BTBD1: variants seen among roughly 807,000 people sequenced by gnomAD.
BTBD1 encodes BTB/POZ domain-containing protein 1.
A neutral mutation model predicts 48.0 loss-of-function variants in BTBD1; 34 were observed. The ratio of observed to expected loss-of-function variants is 0.71; its 90% CI spans 0.54 to 0.94. The LOEUF is 0.94. Ranked by LOEUF, BTBD1 falls within the 40% of genes least tolerant of loss-of-function variation. The pLI is 0.00. For missense variants in BTBD1, 543 were observed against 625.6 expected (o/e 0.87, Z 1.41); for synonymous variants, 261 against 242.1 (o/e 1.08, Z -0.72).
chr15:83,059,227 T>C (rs2033139312), intron 1 of BTBD1, among the ~76,000 whole-genome samples: 1 of 152,178 alleles, frequency 6.6e-6, no homozygotes, highest in Non-Finnish European at 1.5e-5. Flanking sequence ...CAGGTTTCTC[T>C]TTTTGCACTA....
Position 83,017,351 on chromosome 15 carries a change from G to T in BTBD1, c.*716C>A, listed in dbSNP as rs746251543. ...GAGACAGGTATAGTGGTGCAGTTTA[G>T]TGACAGGGAATCCAGTCTTAGATCC... is the stretch of plus-strand genomic sequence containing the variant. On this transcript the variant is annotated 3_prime_UTR_variant, in exon 8 of 8. Coordinates refer to ENST00000261721, the MANE Select transcript of BTBD1 (RefSeq NM_025238.4). 3.9e-5 allele frequency: 6 copies of T among 152,656 alleles called. No homozygotes were observed. Among genetic ancestry groups the T allele is most frequent in the Non-Finnish European group, 8.8e-5 (6 of 68,046 alleles). 9.5% of individuals were successfully genotyped at this position (152,656 alleles called of 1,614,324 possible).
chr15:83,038,433 G>A (rs12441575), intron 4 of BTBD1, among the ~76,000 whole-genome samples: 29,088 of 152,076 alleles, frequency 0.19, 2,999 homozygotes, highest in Non-Finnish European at 0.22. Context: ...TTATATGCTC[G>A]TGGATTGGAA....
intron 5 of BTBD1, 173 bp from the exon 6 acceptor site, chr15:83,020,935 G>T: frequency 2.0e-6 from 1 of 502,850 alleles, no homozygotes. Context: ...GCTTTCTAGA[G>T]CAGATTTGAA....
chr15:83,063,778 T>C (rs139642532), intron 1 of BTBD1, among the ~76,000 whole-genome samples: 1 of 152,368 alleles, frequency 6.6e-6, no homozygotes, highest in African/African-American at 2.4e-5. Flanking sequence ...TAAGGCACAC[T>C]GGTTCACTCT....
In BTBD1 at chr15:83,030,298, C is replaced by T. The variant is rs577288866; in HGVS notation, c.893G>A (p.Arg298His). The T allele has an allele frequency of 2.3e-5, 37 of 1,613,818 alleles. No homozygotes were observed. Among genetic ancestry groups the T allele is most frequent in the African/African-American group, 4.0e-5 (3 of 74,934 alleles). ...GPAQSGILSDREVVNLFLHFT... is the reference protein window; with the variant it reads ...GPAQSGILSDHEVVNLFLHFT... ...ATGAAGAAAGAGGTTTACCACTTCA[C>T]GATCTGACAAAATTCCAGATTGAGC... is the stretch of plus-strand genomic sequence containing the variant. Residue 298 changes from arginine (R) to histidine (H), a missense_variant, in exon 5 of 8, where the codon CGT (arginine) becomes CAT (histidine). This residue lies in a region of BTBD1 where 300 missense variants were observed against 350.0 expected (regional missense o/e 0.86). Transcript: ENST00000261721.
intron 4 of BTBD1, among the ~76,000 whole-genome samples, chr15:83,031,325 T>G (rs2032511522): frequency 6.6e-6 from 1 of 152,222 alleles, no homozygotes; most frequent in African/African-American, 2.4e-5. Context: ...ATAAATGTCT[T>G]CTTTTGAGAA....
chr15:83,048,940 A>C (rs2032930130), intron 3 of BTBD1, among the ~76,000 whole-genome samples: 1 of 152,188 alleles, frequency 6.6e-6, no homozygotes, highest in African/African-American at 2.4e-5. Context: ...TCCAGGAATA[A>C]ACGTTTACAA....
intron 3 of BTBD1, among the ~76,000 whole-genome samples, chr15:83,049,513 G>A (rs184676287): frequency 3.3e-5 from 5 of 152,010 alleles, no homozygotes; most frequent in Non-Finnish European, 2.9e-5. Flanking sequence ...ACCATTTTCC[G>A]GATTTGCATA....
chr15:83,038,275 A>G (rs1439465702), intron 4 of BTBD1, among the ~76,000 whole-genome samples: 1 of 152,158 alleles, frequency 6.6e-6, no homozygotes, highest in Non-Finnish European at 1.5e-5. Flanking sequence ...ACCTAGAAAT[A>G]CATCTAACTA....
chr15:83,034,311 T>G (rs2032584999), intron 4 of BTBD1, among the ~76,000 whole-genome samples: 1 of 152,108 alleles, frequency 6.6e-6, no homozygotes, highest in Non-Finnish European at 1.5e-5. Flanking sequence ...TATACCAATA[T>G]CAGACAAAGA....
intron 3 of BTBD1, among the ~76,000 whole-genome samples, chr15:83,043,752 T>G (rs2032815338): frequency 6.6e-6 from 1 of 151,972 alleles, no homozygotes; most frequent in African/African-American, 2.4e-5. Flanking sequence ...GGGATGAGGG[T>G]GGCATCAACC....
intron 2 of BTBD1, among the ~76,000 whole-genome samples, chr15:83,056,092 T>C (rs2033076890): frequency 6.6e-6 from 1 of 151,948 alleles, no homozygotes; most frequent in South Asian, 2.1e-4. Context: ...ATATTTTTAG[T>C]AGAGACGGGG....
chr15:83,063,537 T>A (rs1222605069), intron 1 of BTBD1, among the ~76,000 whole-genome samples: 1 of 152,216 alleles, frequency 6.6e-6, no homozygotes, highest in Non-Finnish European at 1.5e-5. Context: ...TCTATCACCT[T>A]GCTGCCTATT....
Position 83,066,850 on chromosome 15 carries a change from C to T in BTBD1, c.302G>A (p.Ser101Asn). 1 of 1,450,834 alleles carries T rather than the reference C, an allele frequency of 6.9e-7. No individual in the cohort carries two copies. The highest frequency in any genetic ancestry group is 1.4e-5 in the South Asian group (1 of 70,268). 89.9% of individuals were successfully genotyped at this position (1,450,834 alleles called of 1,614,324 possible). ...GTTGAACATGGCGTCAAAGACGGCG[C>T]TGCCGGCCGCCAGCACGAAGCGGTG... is the stretch of plus-strand genomic sequence containing the variant. ...PAHRFVLAAGSAVFDAMFNGG... is the reference protein window; with the variant it reads ...PAHRFVLAAGNAVFDAMFNGG... The change falls in exon 1 of 8, where the codon AGC becomes AAC. Residue 101 changes from serine to asparagine, a missense_variant. Around this residue, in one of 3 missense-constraint regions of BTBD1, gnomAD observed 173 missense variants for 163.9 expected, o/e 1.06. Coordinates refer to ENST00000261721, the MANE Select transcript of BTBD1 (RefSeq NM_025238.4).
At chr15:83,047,041 A>G (rs546686426) in intron 3 of BTBD1, among the ~76,000 whole-genome samples, 7 of 152,348 alleles carry the variant, frequency 4.6e-5, no homozygotes, top group Non-Finnish European at 1.0e-4. Flanking sequence ...TAATCAACAA[A>G]TATCAGCTGA....
rs28669850 is a variant in BTBD1 at position 83,063,173 on chromosome 15, C to T, written c.401+3578G>A. Among the ~76,000 whole-genome samples, 1,302 of 152,276 alleles carry T rather than the reference C, an allele frequency of 8.6e-3. 18 individuals carry two copies. Among genetic ancestry groups the T allele is most frequent in the African/African-American group, 0.03 (1,253 of 41,560 alleles). ...TCCACTGACAGCTGCTTCTCAGTTT[C>T]ATTTTATGCTTTTTCTCTGCTACAT... On this transcript the variant is annotated intron_variant, in intron 1 of 7. Transcript: ENST00000261721.
At chr15:83,034,090 CAAA>C (rs748026027) in intron 4 of BTBD1, among the ~76,000 whole-genome samples, 13 of 67,150 alleles carry the variant, frequency 1.9e-4, no homozygotes, top group Non-Finnish European at 2.7e-4. Context: ...CTGTCTACAC[CAAA>C]AAAAAAAAAA....
At chr15:83,038,489 G>A (rs1384383256) in intron 4 of BTBD1, among the ~76,000 whole-genome samples, 1 of 152,098 alleles carries the variant, frequency 6.6e-6, no homozygotes, top group South Asian at 2.1e-4. Flanking sequence ...GCAATCTACA[G>A]ATTTAATGCT....
intron 3 of BTBD1, chr15:83,044,746 C>T (rs2151308128): frequency 6.9e-7 from 1 of 1,455,418 alleles, no homozygotes; most frequent in South Asian, 1.1e-5. Flanking sequence ...GTCGCCTGTA[C>T]TCGGATCTAT....
Sources: allele counts gnomAD v4.1 joint callset (sites outside exome capture counted in the v4.1 genomes callset), GRCh38; gene constraint gnomAD v4.1.1; regional missense constraint gnomAD v4.1.1; transcripts MANE v1.5; gene names NCBI Gene and HGNC (gene_info 2026-07-23, HGNC 2026-07-21).